Variants in CLASP2 observed in about 807,000 individuals in gnomAD.
CLASP2 encodes cytoplasmic linker associated protein 2.
CLASP2 carries 47 observed loss-of-function variants against 194.4 expected under a neutral mutation model. The ratio of observed to expected loss-of-function variants is 0.24; its 90% confidence interval spans 0.19 to 0.31. The LOEUF (loss-of-function observed/expected upper bound fraction) is 0.31, where lower values mean the gene tolerates loss of function less well. Among genes scored for constraint, CLASP2 ranks in the 10% least tolerant of loss-of-function variants. The pLI is 1.00. For missense variants in CLASP2, 1,445 were observed against 1,823.6 expected (o/e 0.79, Z 3.78); for synonymous variants, 619 against 633.5 (o/e 0.98, Z 0.34).
chr3:33,573,080 G>A (rs1481522378), intron 25 of CLASP2, 30 bp downstream of exon 25: 1 of 1,611,132 alleles, frequency 6.2e-7, no homozygotes, highest in South Asian at 1.1e-5. Flanking sequence ...TAACCTGATA[G>A]TAAAATCATT....
At chr3:33,701,127 C>T (rs2092344725) in intron 1 of CLASP2, among the ~76,000 whole-genome samples, 1 of 152,200 alleles carries the variant, frequency 6.6e-6, no homozygotes, top group East Asian at 1.9e-4. Context: ...TGAAACCCCA[C>T]AAATTGTTCT....
chr3:33,674,132 G>A (rs1281359739), intron 6 of CLASP2, among the ~76,000 whole-genome samples: 1 of 152,134 alleles, frequency 6.6e-6, no homozygotes, highest in East Asian at 1.9e-4. Flanking sequence ...CAAATCAACA[G>A]AATATACATT....
intron 34 of CLASP2, among the ~76,000 whole-genome samples, chr3:33,524,419 G>C (rs2154115535): frequency 6.6e-6 from 1 of 152,272 alleles, no homozygotes; most frequent in Non-Finnish European, 1.5e-5. Flanking sequence ...AAAGGAGGCA[G>C]ATCACTTATC....
rs138553965 is a variant in CLASP2 at position 33,590,327 on chromosome 3, A to T, written c.2068+2068T>A. Among the ~76,000 whole-genome samples the T allele has an allele frequency of 7.7e-4, 118 of 152,262 alleles. 1 individual carries two copies. In the East Asian group the frequency reaches 0.015, roughly 19 times the overall value. On this transcript the variant is annotated intron_variant, in intron 21 of 38. Transcript: ENST00000682230. ...ACCTGGGCAGACTCCAGTATCTATG[A>T]TCTAAACCAGTATGTACTTCTCAAG...
At chr3:33,647,619 A>G (rs1488797340) in intron 7 of CLASP2, among the ~76,000 whole-genome samples, 2 of 152,238 alleles carry the variant, frequency 1.3e-5, no homozygotes, top group Non-Finnish European at 2.9e-5. Context: ...TATACACACA[A>G]TATGTAAACA....
At chr3:33,637,434 C>T (rs772121555) in intron 8 of CLASP2, among the ~76,000 whole-genome samples, 1 of 151,826 alleles carries the variant, frequency 6.6e-6, no homozygotes, top group African/African-American at 2.4e-5. Flanking sequence ...CTTGAAAGGC[C>T]GAGGCAGGAG....
intron 34 of CLASP2, among the ~76,000 whole-genome samples, chr3:33,527,534 G>C (rs938011230): frequency 6.6e-6 from 1 of 152,144 alleles, no homozygotes; most frequent in East Asian, 1.9e-4. Context: ...AATTCTACCA[G>C]ATGTACAAAT....
intron 21 of CLASP2, among the ~76,000 whole-genome samples, chr3:33,587,367 G>T (rs1010907986): frequency 3.9e-5 from 6 of 152,030 alleles, no homozygotes; most frequent in African/African-American, 1.4e-4. Flanking sequence ...TTCATGATCC[G>T]CCTGCCTCGG....
chr3:33,608,689 TTA>T, intron 13 of CLASP2, 63 bp from the exon 14 acceptor site: 4 of 1,052,264 alleles, frequency 3.8e-6, no homozygotes. Context: ...ACACTTTCTT[TTA>T]TACTACTACA....
intron 7 of CLASP2, among the ~76,000 whole-genome samples, chr3:33,650,432 G>C (rs971413790): frequency 1.3e-5 from 2 of 152,230 alleles, no homozygotes; most frequent in Non-Finnish European, 2.9e-5. Context: ...TTCGAAAAGA[G>C]ACTGGTATGA....
chr3:33,615,179 C>T (rs2075893978), intron 12 of CLASP2, among the ~76,000 whole-genome samples: 1 of 151,460 alleles, frequency 6.6e-6, no homozygotes, highest in Non-Finnish European at 1.5e-5. Flanking sequence ...TGACAGTATA[C>T]CAATAAATGG....
intron 34 of CLASP2, among the ~76,000 whole-genome samples, chr3:33,520,009 A>C (rs1225140793): frequency 2.0e-5 from 3 of 152,086 alleles, no homozygotes; most frequent in Non-Finnish European, 4.4e-5. Context: ...TTGATATGTT[A>C]TCTCTCTCTT....
At chr3:33,646,295 T>C (rs558022843) in intron 7 of CLASP2, among the ~76,000 whole-genome samples, 3 of 151,948 alleles carry the variant, frequency 2.0e-5, no homozygotes, top group African/African-American at 4.8e-5. Flanking sequence ...GAAAAAAGAA[T>C]CAAATAGACA....
chr3:33,597,161 C>T (rs1215187753), intron 18 of CLASP2, among the ~76,000 whole-genome samples: 7 of 152,140 alleles, frequency 4.6e-5, no homozygotes, highest in Non-Finnish European at 8.8e-5. Flanking sequence ...TTTACCACCT[C>T]GTTGCTTCCC....
intron 34 of CLASP2, among the ~76,000 whole-genome samples, chr3:33,524,071 G>A (rs1209295253): frequency 6.6e-6 from 1 of 152,070 alleles, no homozygotes; most frequent in Non-Finnish European, 1.5e-5. Flanking sequence ...ATAGCAACAT[G>A]ACAGAAGTAA....
At position 33,606,701 on chromosome 3, in the gene CLASP2, G is replaced by A. The variant is rs773267903; in HGVS notation, c.1584C>T (p.Ser528=). 9.3e-6 allele frequency: 15 copies of A among 1,613,252 alleles called. 1 individual carries two copies. In the East Asian group the frequency reaches 1.3e-4, roughly 14 times the overall value. The part of the protein sequence containing the change: ...FPGEAETLYN[S]LEPSYQKSLQ... Reference sequence around the variant, plus strand: ...GACTCTTCTGATAAGATGGCTCAAGGGAATTATATAATGTTTCAGCTTCAC... The same window carrying A: ...GACTCTTCTGATAAGATGGCTCAAGAGAATTATATAATGTTTCAGCTTCAC... Residue 528 remains serine (S), a synonymous_variant, in exon 16 of 39, where the codon TCC becomes TCT. Coordinates refer to ENST00000682230, the MANE Select transcript of CLASP2 (RefSeq NM_001365631.1).
rs139964801 is a variant in CLASP2 at position 33,647,344 on chromosome 3, G to A, written c.716-2441C>T. Reference sequence around the variant, plus strand: ...CCTATACCAGCAGCTGAGCATCACCGGGCAATTTGTTAAAAATGCAAATTC... The same window carrying A: ...CCTATACCAGCAGCTGAGCATCACCAGGCAATTTGTTAAAAATGCAAATTC... On this transcript the variant is annotated intron_variant, in intron 7 of 38. Transcript: ENST00000682230. Among the ~76,000 whole-genome samples the A allele has an allele frequency of 6.1e-3, 930 of 152,068 alleles. 32 individuals are homozygous for A. The highest frequency in any genetic ancestry group is 7.3e-3 in the East Asian group (38 of 5,178).
chr3:33,643,933 T>C (rs1429298831), intron 8 of CLASP2, among the ~76,000 whole-genome samples: 3 of 152,050 alleles, frequency 2.0e-5, no homozygotes, highest in African/African-American at 4.8e-5. Flanking sequence ...AAAGATATGT[T>C]TTCCCAAAAT....
chr3:33,698,341 T>C (rs1466840569), intron 1 of CLASP2, among the ~76,000 whole-genome samples: 4 of 152,046 alleles, frequency 2.6e-5, no homozygotes, highest in African/African-American at 9.7e-5. Context: ...GGGGCCCATA[T>C]AATTAAAGGT....
Sources: gnomAD v4.1 joint callset for allele counts (sites outside exome capture counted in the v4.1 genomes callset) on GRCh38, gnomAD v4.1.1 for gene constraint, MANE v1.5 for transcripts, NCBI Gene and HGNC (gene_info 2026-07-23, HGNC 2026-07-21) for gene names.